The following TBC1D2B variants were observed in gnomAD, a reference collection of about 807,000 sequenced individuals.
TBC1D2B encodes TBC1 domain family member 2B, also known as TBC1 domain family, member 2B.
TBC1D2B carries 64 observed loss-of-function variants against 100.8 expected under a neutral mutation model. The ratio of observed to expected loss-of-function variants is 0.64; its 90% CI spans 0.52 to 0.78. TBC1D2B has a LOEUF of 0.78. Ranked by LOEUF, TBC1D2B falls within the 30% of genes least tolerant of loss-of-function variation. The pLI is 0.00. For synonymous variants in TBC1D2B, 480 were observed against 479.7 expected, an observed-to-expected ratio of 1.00 and a Z score of -0.01; for missense variants, 1,052 against 1,218.4, an observed-to-expected ratio of 0.86 and a Z score of 2.03.
chr15:78,016,875 G>T lies in TBC1D2B; in HGVS notation c.1582-136C>A, dbSNP rs544692679. ...CAGAGACAGACTGTAGCAAAGACAAGAAATTAATTTATGCCACAGACCACC... is the reference window on the plus strand; with the variant it reads ...CAGAGACAGACTGTAGCAAAGACAATAAATTAATTTATGCCACAGACCACC... On this transcript the variant is annotated intron_variant, in intron 7 of 12. Transcript: ENST00000300584. The T allele has an allele frequency of 8.7e-6, 6 of 692,180 alleles. No homozygotes were observed. In the African/African-American group the frequency reaches 9.3e-5, roughly 11 times the overall value. The allele number at this position is 692,180 out of a possible 1,614,324, so 42.9% of individuals were successfully genotyped here.
chr15:78,063,921 C>A (rs2073602379), intron 1 of TBC1D2B, among the ~76,000 whole-genome samples: 1 of 152,002 alleles, frequency 6.6e-6, no homozygotes, highest in Non-Finnish European at 1.5e-5. Context: ...TACCCCTGGG[C>A]CTCTGCAACA....
chr15:78,009,405 C>T (rs1482122044), intron 9 of TBC1D2B, among the ~76,000 whole-genome samples: 1 of 151,996 alleles, frequency 6.6e-6, no homozygotes, highest in Non-Finnish European at 1.5e-5. Flanking sequence ...CCAGGAGTAG[C>T]GACGCACACC....
intron 10 of TBC1D2B, among the ~76,000 whole-genome samples, chr15:78,003,764 G>A (rs769864884): frequency 5.5e-4 from 83 of 152,178 alleles, no homozygotes; most frequent in South Asian, 8.3e-4. Flanking sequence ...ACCAACTCCT[G>A]CACTCAAAAT....
chr15:78,025,380 C>T lies in TBC1D2B; in HGVS notation c.965G>A (p.Ser322Asn). ...GCTGCCACTGCCTGATGTGCCTTCA[C>T]TTGAAGGGTCACCACTGCTGTGACG... Reference protein sequence around the residue: ...KNRHSSGDPSSEGTSGSGSVS... With the variant: ...KNRHSSGDPSNEGTSGSGSVS... The change falls in exon 5 of 13, where the codon AGT becomes AAT. Residue 322 changes from serine to asparagine, a missense_variant. Ser to Asn is a conservative substitution (Grantham distance 46). Around this residue, in one of 4 missense-constraint regions of TBC1D2B, gnomAD observed 627 missense variants for 646.1 expected, o/e 0.97. Transcript: ENST00000300584. 3 of 1,613,988 alleles carry T rather than the reference C, an allele frequency of 1.9e-6. No homozygotes were observed. Among genetic ancestry groups the T allele is most frequent in the South Asian group, 1.1e-5 (1 of 91,082 alleles).
intron 6 of TBC1D2B, among the ~76,000 whole-genome samples, chr15:78,019,354 A>C (rs1400693623): frequency 6.6e-6 from 1 of 152,184 alleles, no homozygotes; most frequent in Non-Finnish European, 1.5e-5. Context: ...TGAGCCATAG[A>C]AAGCTGCCCA....
chr15:78,025,569 C>T, intron 4 of TBC1D2B, 72 bp from the exon 5 acceptor site: 1 of 1,205,644 alleles, frequency 8.3e-7, no homozygotes, highest in Non-Finnish European at 1.1e-6. Context: ...GTCTGTCGCC[C>T]AGGCTGGAGT....
At position 78,044,971 on chromosome 15, in the gene TBC1D2B, T is replaced by G; in HGVS notation, c.612A>C (p.Ala204=). Residue 204 remains alanine, a synonymous_variant, in exon 3 of 13, where the codon GCA becomes GCC. Coordinates refer to ENST00000300584, the MANE Select transcript of TBC1D2B (RefSeq NM_144572.2). The part of the protein sequence containing the change: ...VPGELVGEQA[A]NQPAPGHPNS... ...TTGGATGCCCTGGGGCGGGCTGATT[T>G]GCAGCTTGTTCTCCCACCAGCTCTC... 1 of 1,613,894 alleles carries G rather than the reference T, an allele frequency of 6.2e-7. No individual in the cohort carries two copies. The highest frequency in any genetic ancestry group is 1.3e-5 in the African/African-American group (1 of 75,072).
intron 3 of TBC1D2B, among the ~76,000 whole-genome samples, chr15:78,036,628 G>C (rs953143114): frequency 1.6e-4 from 24 of 152,168 alleles, no homozygotes; most frequent in Non-Finnish European, 5.9e-5. Context: ...CTCTGCCCTG[G>C]AGCCTCTGAA....
intron 10 of TBC1D2B, among the ~76,000 whole-genome samples, chr15:78,008,499 G>T (rs1449800614): frequency 6.6e-6 from 1 of 152,228 alleles, no homozygotes; most frequent in Non-Finnish European, 1.5e-5. Context: ...AGGACTGCAT[G>T]GTGGTCACTG....
At chr15:78,026,762 G>C (rs565047053) in intron 4 of TBC1D2B, among the ~76,000 whole-genome samples, 1 of 151,818 alleles carries the variant, frequency 6.6e-6, no homozygotes, top group Non-Finnish European at 1.5e-5. Flanking sequence ...CTAAATATGC[G>C]TGGTGGTGCA....
intron 12 of TBC1D2B, chr15:77,999,390 C>T (rs2071850684): frequency 4.7e-6 from 2 of 426,250 alleles, no homozygotes; most frequent in African/African-American, 2.0e-5. Context: ...CCCACTACTA[C>T]CTGGACATGC....
rs1309448811 is a variant in TBC1D2B at position 78,009,096 on chromosome 15, G to A, written c.2289C>T (p.Leu763=). The A allele has an allele frequency of 2.5e-6, 4 of 1,603,144 alleles. No individual in the cohort carries two copies. The highest frequency in any genetic ancestry group is 3.4e-6 in the Non-Finnish European group (4 of 1,174,622). The change falls in exon 10 of 13, where the codon CTC becomes CTT. Residue 763 remains leucine, a synonymous_variant. Transcript: ENST00000300584. Reference sequence around the variant, plus strand: ...AAGCATCTTCTTGTTCCAGGTACAGGAGGGCCACTGCCACCAACCTACAAG... The same window carrying A: ...AAGCATCTTCTTGTTCCAGGTACAGAAGGGCCACTGCCACCAACCTACAAG... ...QGLNRLVAVA[L]LYLEQEDAFW...
At chr15:78,044,538 G>A (rs1042475165) in intron 3 of TBC1D2B, among the ~76,000 whole-genome samples, 1 of 152,208 alleles carries the variant, frequency 6.6e-6, no homozygotes, top group East Asian at 1.9e-4. Context: ...GTGTCTTGGA[G>A]AGGGGACTAG....
At chr15:78,028,717 C>T (rs1252775775) in intron 4 of TBC1D2B, among the ~76,000 whole-genome samples, 1 of 152,180 alleles carries the variant, frequency 6.6e-6, no homozygotes, top group Non-Finnish European at 1.5e-5. Flanking sequence ...GGCAGGCCTC[C>T]GGCTCTAACT....
chr15:78,000,285 C>G (rs1234294507), intron 12 of TBC1D2B, among the ~76,000 whole-genome samples: 3 of 152,220 alleles, frequency 2.0e-5, no homozygotes, highest in African/African-American at 7.2e-5. Flanking sequence ...CCTGCGGTGC[C>G]AGGGAAGGGC....
intron 1 of TBC1D2B, among the ~76,000 whole-genome samples, chr15:78,071,576 G>A (rs1403336951): frequency 1.3e-5 from 2 of 152,180 alleles, no homozygotes; most frequent in Non-Finnish European, 2.9e-5. Flanking sequence ...CTGGGGAAGG[G>A]TGAGTCATAA....
In TBC1D2B at chr15:78,077,508, G is replaced by A. The variant is rs2073850199; in HGVS notation, c.145C>T (p.Pro49Ser). The change falls in exon 1 of 13, where the codon CCC becomes TCC. Residue 49 changes from proline to serine, a missense_variant. Transcript: ENST00000300584. Reference sequence around the variant, plus strand: ...CAGCGGCTGCGGTAGCCACGCAGGGGGCCCTTGCCCGACAGCTTCTGCAGA... The same window carrying A: ...CAGCGGCTGCGGTAGCCACGCAGGGAGCCCTTGCCCGACAGCTTCTGCAGA... ...GYLQKLSGKG[P>S]LRGYRSRWFV... 1.3e-6 allele frequency: 2 copies of A among 1,530,504 alleles called. No homozygotes were observed. Among genetic ancestry groups the A allele is most frequent in the Non-Finnish European group, 1.8e-6 (2 of 1,138,944 alleles). 94.8% of individuals were successfully genotyped at this position (1,530,504 alleles called of 1,614,324 possible). A position where few individuals can be genotyped will look rare whatever the true frequency, so the allele number is the denominator to read the frequency against.
Position 78,017,899 on chromosome 15 carries a change from A to C in TBC1D2B, c.1529T>G (p.Leu510Arg). 1 of 1,612,328 alleles carries C rather than the reference A, an allele frequency of 6.2e-7. No homozygotes were observed. Among genetic ancestry groups the C allele is most frequent in the Non-Finnish European group, 8.5e-7 (1 of 1,179,124 alleles). Reference protein sequence around the residue: ...NKFLNKEILELSALRRNAERR... With the variant: ...NKFLNKEILERSALRRNAERR... ...TTCTGCATTTCTTCGTAGAGCTGAGAGTTCCAAAATCTCCTTATTTAGAAA... is the reference window on the plus strand; with the variant it reads ...TTCTGCATTTCTTCGTAGAGCTGAGCGTTCCAAAATCTCCTTATTTAGAAA... The change falls in exon 7 of 13, where the codon CTC (leucine) becomes CGC (arginine). Residue 510 changes from leucine to arginine, a missense_variant. By Grantham distance (102) the Leu-to-Arg change is moderately radical. Coordinates refer to ENST00000300584, the MANE Select transcript of TBC1D2B (RefSeq NM_144572.2).
intron 3 of TBC1D2B, among the ~76,000 whole-genome samples, chr15:78,036,362 A>C (rs1156488775): frequency 6.6e-6 from 1 of 152,230 alleles, no homozygotes; most frequent in Non-Finnish European, 1.5e-5. Context: ...TATGGTTTGA[A>C]TATCTCCTCC....
Sources: allele counts gnomAD v4.1 joint callset (sites outside exome capture counted in the v4.1 genomes callset), GRCh38; gene constraint gnomAD v4.1.1; regional missense constraint gnomAD v4.1.1; transcripts MANE v1.5; gene names NCBI Gene and HGNC (gene_info 2026-07-23, HGNC 2026-07-21).